The following SPIDR variants were observed in gnomAD, a reference collection of about 807,000 sequenced individuals.
SPIDR encodes the protein DNA repair-scaffolding protein.
In SPIDR, 93 loss-of-function variants were observed where a neutral mutation model predicts 104.6. That is an observed-to-expected ratio of 0.89 (90% confidence interval 0.75 to 1.06). The LOEUF is 1.06. Among genes scored for constraint, SPIDR ranks in the 50% least tolerant of loss-of-function variants. The pLI, the probability that SPIDR is intolerant of heterozygous loss-of-function variation, is 0.00. For missense variants in SPIDR, 1,154 were observed against 1,111.2 expected (o/e 1.04, Z -0.55); for synonymous variants, 431 against 416.9 (o/e 1.03, Z -0.41).
intron 10 of SPIDR, among the ~76,000 whole-genome samples, chr8:47,647,026 A>G (rs2070502799): frequency 6.6e-6 from 1 of 152,216 alleles, no homozygotes. Flanking sequence ...AGCAATACCT[A>G]TAATAATGGG....
At chr8:47,418,730 A>G (rs572912091) in intron 7 of SPIDR, among the ~76,000 whole-genome samples, 1 of 152,306 alleles carries the variant, frequency 6.6e-6, no homozygotes, top group South Asian at 2.1e-4. Flanking sequence ...GTTTTTGCCC[A>G]TTCAGCACGA....
At chr8:47,320,468 C>T (rs887379851) in intron 5 of SPIDR, among the ~76,000 whole-genome samples, 2 of 151,960 alleles carry the variant, frequency 1.3e-5, no homozygotes, top group Non-Finnish European at 2.9e-5. Flanking sequence ...GCTTACCAAA[C>T]AAAAAAAGTC....
At chr8:47,605,777 G>A (rs1230274584) in intron 10 of SPIDR, among the ~76,000 whole-genome samples, 1 of 152,080 alleles carries the variant, frequency 6.6e-6, no homozygotes, top group African/African-American at 2.4e-5. Flanking sequence ...CAAGCACTCA[G>A]TAAAAAGCAG....
At chr8:47,350,980 A>G (rs190620623) in intron 5 of SPIDR, among the ~76,000 whole-genome samples, 1 of 152,158 alleles carries the variant, frequency 6.6e-6, no homozygotes, top group Non-Finnish European at 1.5e-5. Flanking sequence ...CATCTGGGAC[A>G]TGAATCCCCT....
chr8:47,362,574 A>G (rs1158178931), intron 5 of SPIDR, among the ~76,000 whole-genome samples: 1 of 152,268 alleles, frequency 6.6e-6, no homozygotes, highest in Non-Finnish European at 1.5e-5. Flanking sequence ...TAGATCAGGC[A>G]CACAAAAGTG....
At chr8:47,430,307 G>A (rs576333495) in intron 7 of SPIDR, among the ~76,000 whole-genome samples, 19 of 152,306 alleles carry the variant, frequency 1.2e-4, no homozygotes, top group African/African-American at 2.4e-5. Flanking sequence ...CTTGTATCTA[G>A]GGGTTATGAA....
intron 10 of SPIDR, among the ~76,000 whole-genome samples, chr8:47,639,993 A>G (rs1185219356): frequency 6.6e-6 from 1 of 152,130 alleles, no homozygotes; most frequent in African/African-American, 2.4e-5. Context: ...CTGCCATGGA[A>G]GCTGCTGCCT....
intron 1 of SPIDR, among the ~76,000 whole-genome samples, chr8:47,265,838 C>T (rs1300439836): frequency 2.0e-5 from 3 of 152,136 alleles, no homozygotes; most frequent in Non-Finnish European, 2.9e-5. Context: ...TGGTGAGGGC[C>T]TGCTTTCTGG....
At position 47,572,222 on chromosome 8, in the gene SPIDR, A is replaced by G. The variant is rs189498447; in HGVS notation, c.1098-23589A>G. Among the ~76,000 whole-genome samples the G allele has an allele frequency of 2.2e-3, 337 of 152,356 alleles. 2 individuals carry two copies. The highest frequency in any genetic ancestry group is 7.6e-3 in the African/African-American group (318 of 41,578). On this transcript the variant is annotated intron_variant, in intron 8 of 19. Coordinates refer to ENST00000297423, the MANE Select transcript of SPIDR (RefSeq NM_001080394.4). ...CTGTTTATTTTGATAAAGGTAACTT[A>G]GATAATCCTTACCATTGTATTTATA...
At chr8:47,320,762 C>CT (rs1260631473) in intron 5 of SPIDR, among the ~76,000 whole-genome samples, 2 of 152,216 alleles carry the variant, frequency 1.3e-5, no homozygotes, top group African/African-American at 4.8e-5. Context: ...ATCAAGTGGG[C>CT]TTCATCCCTG....
Position 47,673,950 on chromosome 8 carries a change from G to A in SPIDR, c.1685+9G>A, listed in dbSNP as rs181102873. 4.5e-5 allele frequency: 73 copies of A among 1,610,514 alleles called. No homozygotes were observed. The Admixed American group carries it at 4.7e-4, about 10-fold the overall frequency. On this transcript the variant is annotated intron_variant, in intron 11 of 19. Coordinates refer to ENST00000297423, the MANE Select transcript of SPIDR (RefSeq NM_001080394.4). ...AAAGTCACCAGAGGAAGGTGAGAACGTGCAGGAATGGCATCCAATTTGCTA... is the reference window on the plus strand; with the variant it reads ...AAAGTCACCAGAGGAAGGTGAGAACATGCAGGAATGGCATCCAATTTGCTA...
chr8:47,617,651 G>T (rs2064519617), intron 10 of SPIDR, among the ~76,000 whole-genome samples: 2 of 152,180 alleles, frequency 1.3e-5, no homozygotes, highest in Non-Finnish European at 2.9e-5. Flanking sequence ...TCCATTAATA[G>T]ACCTTTGTCA....
intron 5 of SPIDR, among the ~76,000 whole-genome samples, chr8:47,389,083 T>C (rs1389630116): frequency 6.6e-6 from 1 of 152,210 alleles, no homozygotes; most frequent in South Asian, 2.1e-4. Context: ...ATAACTTTAT[T>C]GTATTTAAAC....
Position 47,407,339 on chromosome 8 carries a change from T to C in SPIDR, c.777-522T>C, listed in dbSNP as rs868939458. On this transcript the variant is annotated intron_variant, in intron 6 of 19. Transcript: ENST00000297423. ...AGGGACCCATACCCAAGTGCTCTTATTTGAGTGTTCTATCAACAGTTGGCA... is the reference window on the plus strand; with the variant it reads ...AGGGACCCATACCCAAGTGCTCTTACTTGAGTGTTCTATCAACAGTTGGCA... 5.3e-5 allele frequency among the ~76,000 whole-genome samples: 8 copies of C among 152,204 alleles called. No individual in the cohort carries two copies. The South Asian group carries it at 1.7e-3, about 32-fold the overall frequency.
intron 5 of SPIDR, among the ~76,000 whole-genome samples, chr8:47,377,875 AG>A (rs1230019929): frequency 5.3e-5 from 8 of 152,244 alleles, no homozygotes; most frequent in Non-Finnish European, 1.2e-4. Flanking sequence ...CATATATTTC[AG>A]AAACACAACA....
chr8:47,519,557 A>T (rs2083706055), intron 8 of SPIDR, among the ~76,000 whole-genome samples: 1 of 152,150 alleles, frequency 6.6e-6, no homozygotes, highest in Non-Finnish European at 1.5e-5. Context: ...GTAAGGAGGG[A>T]AGATCACTTG....
chr8:47,372,183 C>A (rs2058115104), intron 5 of SPIDR, among the ~76,000 whole-genome samples: 1 of 152,178 alleles, frequency 6.6e-6, no homozygotes, highest in African/African-American at 2.4e-5. Flanking sequence ...TCTGATCCTT[C>A]TTCTGTACTT....
At chr8:47,391,561 A>AAG (rs1424372693) in intron 5 of SPIDR, among the ~76,000 whole-genome samples, 5 of 151,906 alleles carry the variant, frequency 3.3e-5, no homozygotes, top group African/African-American at 7.3e-5. Flanking sequence ...AAAACAAACA[A>AAG]AGTAAATAAT....
chr8:47,440,605 T>A (rs1420159917), intron 8 of SPIDR, 63 bp downstream of exon 8: 134 of 1,492,122 alleles, frequency 9.0e-5, no homozygotes, highest in Non-Finnish European at 1.2e-4. Flanking sequence ...AGAAAAGACA[T>A]TTTTATCAGT....
Sources: allele counts gnomAD v4.1 joint callset (sites outside exome capture counted in the v4.1 genomes callset), GRCh38; gene constraint gnomAD v4.1.1; transcripts MANE v1.5; gene names NCBI Gene and HGNC (gene_info 2026-07-23, HGNC 2026-07-21).